The following ZFP64 variants were observed in gnomAD, a reference collection of about 807,000 sequenced individuals.
ZFP64 encodes zinc finger protein 64.
In ZFP64, 14 loss-of-function variants were observed where a neutral mutation model predicts 51.6. The ratio of observed to expected loss-of-function variants is 0.27; its 90% CI spans 0.18 to 0.42. The LOEUF is 0.42. Among genes scored for constraint, ZFP64 ranks in the 10% least tolerant of loss-of-function variants. The pLI, the probability that ZFP64 is intolerant of heterozygous loss-of-function variation, is 1.00. For missense variants in ZFP64, 754 were observed against 906.8 expected, an observed-to-expected ratio of 0.83 and a Z score of 2.16; for synonymous variants, 375 against 361.4, an observed-to-expected ratio of 1.04 and a Z score of -0.43.
intron 4 of ZFP64, among the ~76,000 whole-genome samples, chr20:52,162,716 T>C (rs1185225859): frequency 6.6e-6 from 1 of 152,194 alleles, no homozygotes; most frequent in Non-Finnish European, 1.5e-5. Flanking sequence ...ACCAGCATTG[T>C]CAGTGGCTCA....
At chr20:52,178,913 G>A (rs995867168) in intron 2 of ZFP64, among the ~76,000 whole-genome samples, 4 of 152,026 alleles carry the variant, frequency 2.6e-5, no homozygotes, top group Admixed American at 6.6e-5. Flanking sequence ...CTCCCCGAGG[G>A]GCTTGGAATT....
chr20:52,154,020 C>T (rs1981104260), intron 5 of ZFP64, among the ~76,000 whole-genome samples: 1 of 152,068 alleles, frequency 6.6e-6, no homozygotes, highest in South Asian at 2.1e-4. Context: ...TTACAAAATC[C>T]AGCTGCTTGA....
intron 2 of ZFP64, among the ~76,000 whole-genome samples, chr20:52,174,634 C>T (rs1983037076): frequency 6.6e-6 from 1 of 152,018 alleles, no homozygotes; most frequent in Non-Finnish European, 1.5e-5. Context: ...CTCTAATGGC[C>T]ACATAATATT....
intron 5 of ZFP64, among the ~76,000 whole-genome samples, chr20:52,144,146 ATTATCTT>A (rs1413166063): frequency 1.4e-5 from 2 of 143,712 alleles, no homozygotes; most frequent in African/African-American, 5.0e-5. Flanking sequence ...AACTTAAAAA[ATTATCTT>A]TTAACACAGG....
intron 5 of ZFP64, among the ~76,000 whole-genome samples, chr20:52,121,530 T>A (rs142266365): frequency 3.9e-4 from 59 of 152,212 alleles, no homozygotes; most frequent in Non-Finnish European, 4.4e-4. Context: ...CTATGAAGGC[T>A]GAGAGAGGTG....
At chr20:52,164,638 C>T in intron 4 of ZFP64, 57 bp downstream of exon 4, 1 of 1,434,800 alleles carries the variant, frequency 7.0e-7, no homozygotes, top group South Asian at 1.2e-5. Context: ...TGTGGATCCC[C>T]ATCTCCTAGC....
chr20:52,129,494 CA>C (rs1412457204), intron 5 of ZFP64, among the ~76,000 whole-genome samples: 2 of 152,018 alleles, frequency 1.3e-5, no homozygotes, highest in Non-Finnish European at 2.9e-5. Flanking sequence ...TTCCTTCTAG[CA>C]AAAATGTTCC....
At chr20:52,121,467 C>A (rs994607407) in intron 5 of ZFP64, among the ~76,000 whole-genome samples, 3 of 152,306 alleles carry the variant, frequency 2.0e-5, no homozygotes, top group Non-Finnish European at 2.9e-5. Context: ...CCAGCTACAA[C>A]ATGCTTCTAC....
At chr20:52,097,430 G>A (rs778712290) in exon 7 of ZFP64, 19 of 1,602,876 alleles carry the variant, frequency 1.2e-5, no homozygotes, top group Non-Finnish European at 4.2e-6. Context: ...GTTTTGAAGT[G>A]GCAACCTAGA....
chr20:52,130,793 C>T (rs1191917244), intron 5 of ZFP64, among the ~76,000 whole-genome samples: 3 of 152,040 alleles, frequency 2.0e-5, no homozygotes, highest in East Asian at 3.9e-4. Context: ...TACAGATTCT[C>T]GGCCCAGTGT....
chr20:52,184,317 T>C (rs989399258), intron 2 of ZFP64, among the ~76,000 whole-genome samples: 2 of 152,206 alleles, frequency 1.3e-5, no homozygotes, highest in East Asian at 3.9e-4. Flanking sequence ...AACTGAAATA[T>C]CTAACTGGCT....
downstream of ZFP64, among the ~76,000 whole-genome samples, chr20:52,146,304 T>C (rs954340746): frequency 1.3e-5 from 2 of 152,106 alleles, no homozygotes; most frequent in Admixed American, 6.5e-5. Context: ...GCACTATTCA[T>C]AATAGCAAAG....
downstream of ZFP64, among the ~76,000 whole-genome samples, chr20:52,150,193 A>G (rs1305029917): frequency 1.8e-5 from 2 of 113,340 alleles, no homozygotes; most frequent in East Asian, 4.7e-4. Context: ...CAACAGAGTG[A>G]GACTCCACCT....
intron 3 of ZFP64, 75 bp from the exon 4 acceptor site, chr20:52,164,832 A>T: frequency 8.1e-7 from 1 of 1,230,180 alleles, no homozygotes; most frequent in Non-Finnish European, 1.2e-6. Context: ...TGGTAGAAAC[A>T]TCCTTAACCA....
chr20:52,097,817 C>T (rs529199213), intron 6 of ZFP64, among the ~76,000 whole-genome samples: 1 of 152,242 alleles, frequency 6.6e-6, no homozygotes, highest in South Asian at 2.1e-4. Context: ...CACCTGCCAT[C>T]CCCGAGCTTG....
At chr20:52,108,861 A>AACACACACACACAC (rs57127987) in intron 5 of ZFP64, among the ~76,000 whole-genome samples, 2 of 139,660 alleles carry the variant, frequency 1.4e-5, no homozygotes, top group African/African-American at 5.4e-5. Flanking sequence ...GAAAATCTGA[A>AACACACACACACAC]ACACACACAC....
intron 5 of ZFP64, among the ~76,000 whole-genome samples, chr20:52,135,780 C>G (rs796928291): frequency 2.0e-5 from 3 of 151,998 alleles, no homozygotes; most frequent in Admixed American, 6.6e-5. Context: ...TGAGCCACTG[C>G]GCCCTGCCAA....
chr20:52,097,454 T>A (rs1474587302), intron 6 of ZFP64: 9 of 49,444 alleles, frequency 1.8e-4, no homozygotes, highest in South Asian at 1.3e-3. Flanking sequence ...GAAAAATAGA[T>A]TTTTTTTTTT....
intron 5 of ZFP64, among the ~76,000 whole-genome samples, chr20:52,127,101 G>A (rs542001310): frequency 6.6e-5 from 10 of 151,922 alleles, no homozygotes; most frequent in South Asian, 6.2e-4. Flanking sequence ...ACAGGCGTGC[G>A]CCACCACACC....
Sources: gnomAD v4.1 joint callset for allele counts (sites outside exome capture counted in the v4.1 genomes callset) on GRCh38, gnomAD v4.1.1 for gene constraint, MANE v1.5 for transcripts, NCBI Gene and HGNC (gene_info 2026-07-23, HGNC 2026-07-21) for gene names.